The following MGA variants were observed in gnomAD, a reference collection of about 807,000 sequenced individuals.
MGA encodes the protein MAX dimerization protein MGA.
In MGA, 40 loss-of-function variants were observed where a neutral mutation model predicts 261.1. The ratio of observed to expected loss-of-function variants is 0.15; its 90% CI spans 0.12 to 0.20. MGA has a LOEUF of 0.20. Ranked by LOEUF, MGA falls within the 10% of genes least tolerant of loss-of-function variation. The pLI is 1.00. For synonymous variants in MGA, 1,302 were observed against 1,290.6 expected (o/e 1.01, Z -0.19); for missense variants, 3,397 against 3,630.5 (o/e 0.94, Z 1.65).
intron 5 of MGA, among the ~76,000 whole-genome samples, chr15:41,703,501 T>G (rs1248254608): frequency 6.6e-6 from 1 of 151,344 alleles, no homozygotes; most frequent in African/African-American, 2.4e-5. Context: ...TCTATATAAG[T>G]TATTTGTAGT....
At chr15:41,734,494 A>G (rs1294911170) in intron 11 of MGA, 28 bp from the exon 12 acceptor site, 2 of 1,557,458 alleles carry the variant, frequency 1.3e-6, no homozygotes, top group Non-Finnish European at 1.8e-6. Context: ...GTTAAGTTAA[A>G]GTATTTCTGT....
chr15:41,722,087 T>C (rs1381572513), intron 9 of MGA, among the ~76,000 whole-genome samples: 2 of 151,996 alleles, frequency 1.3e-5, no homozygotes, highest in African/African-American at 4.8e-5. Context: ...GAATGTATCT[T>C]TGATTCCATT....
At chr15:41,759,018 A>C (rs1236181061) in intron 19 of MGA, among the ~76,000 whole-genome samples, 1 of 152,218 alleles carries the variant, frequency 6.6e-6, no homozygotes, top group South Asian at 2.1e-4. Flanking sequence ...TGAGAATACA[A>C]ATGACAAATT....
At chr15:41,685,348 C>G (rs1046610443) in intron 2 of MGA, among the ~76,000 whole-genome samples, 3 of 152,130 alleles carry the variant, frequency 2.0e-5, no homozygotes, top group Non-Finnish European at 4.4e-5. Context: ...TTGGGCAATA[C>G]CGTGCTGTCT....
chr15:41,765,042 G>T lies in MGA; in HGVS notation c.7901G>T (p.Gly2634Val). Residue 2634 changes from glycine to valine, a missense_variant, in exon 23 of 24, where the codon GGT becomes GTT. Physicochemically the swap from Gly to Val is moderately radical, Grantham distance 109. This residue lies in a region of MGA where 647 missense variants were observed against 642.4 expected (regional missense o/e 1.01). Transcript: ENST00000219905. ...TCTGATCTTAAGCCTCAAGTTGCCG[G>T]TAGTGCTGTGGCTCTACCAGGTATG... 1.2e-6 allele frequency: 2 copies of T among 1,614,022 alleles called. No homozygotes were observed. Among genetic ancestry groups the T allele is most frequent in the Non-Finnish European group, 1.7e-6 (2 of 1,179,894 alleles).
At chr15:41,747,567 A>C (rs1271570080) in intron 15 of MGA, among the ~76,000 whole-genome samples, 1 of 141,744 alleles carries the variant, frequency 7.1e-6, no homozygotes, top group Non-Finnish European at 1.6e-5. Flanking sequence ...CCATCTCCAC[A>C]AAAAAAAAAA....
chr15:41,745,383 A>C (rs187492921), intron 15 of MGA, among the ~76,000 whole-genome samples: 1 of 151,112 alleles, frequency 6.6e-6, no homozygotes, highest in African/African-American at 2.4e-5. Context: ...ACTGGAAACT[A>C]TAATAATTAA....
intron 1 of MGA, among the ~76,000 whole-genome samples, chr15:41,625,870 A>G (rs1439877575): frequency 6.6e-6 from 1 of 152,228 alleles, no homozygotes; most frequent in Non-Finnish European, 1.5e-5. Context: ...ACATTTTTGT[A>G]GAAATATACC....
intron 13 of MGA, among the ~76,000 whole-genome samples, chr15:41,737,662 G>A (rs565155893): frequency 6.6e-6 from 1 of 152,086 alleles, no homozygotes; most frequent in African/African-American, 2.4e-5. Flanking sequence ...GAAAAGAGAC[G>A]TTCTGAATTA....
chr15:41,756,054 A>G (rs1567094924), intron 18 of MGA, among the ~76,000 whole-genome samples: 1 of 152,220 alleles, frequency 6.6e-6, no homozygotes, highest in African/African-American at 2.4e-5. Context: ...ATTTGTTTAA[A>G]TTAATTGTTT....
Position 41,749,009 on chromosome 15 carries a change from T to G in MGA, c.5503+82T>G. The G allele has an allele frequency of 1.9e-6, 3 of 1,548,982 alleles. No homozygotes were observed. The East Asian group carries it at 6.7e-5, about 35-fold the overall frequency. On this transcript the variant is annotated intron_variant, in intron 16 of 23. Transcript: ENST00000219905. Reference sequence around the variant, plus strand: ...TGTTAATACACCAAGATTGTTTTTCTTCATCTCTTAAGAGTTACTTTTCCA... The same window carrying G: ...TGTTAATACACCAAGATTGTTTTTCGTCATCTCTTAAGAGTTACTTTTCCA...
intron 14 of MGA, among the ~76,000 whole-genome samples, chr15:41,740,724 A>G (rs2062043289): frequency 6.6e-6 from 1 of 152,216 alleles, no homozygotes; most frequent in East Asian, 1.9e-4. Flanking sequence ...TATGAAACCA[A>G]GGAGCTAGCA....
chr15:41,653,010 C>T (rs564743749), intron 1 of MGA, among the ~76,000 whole-genome samples: 19 of 152,200 alleles, frequency 1.2e-4, no homozygotes, highest in East Asian at 9.6e-4. Context: ...TAATTTGCAC[C>T]GCATTCAAGT....
At chr15:41,631,358 C>T (rs896129955) in intron 1 of MGA, among the ~76,000 whole-genome samples, 3 of 152,032 alleles carry the variant, frequency 2.0e-5, no homozygotes, top group African/African-American at 7.2e-5. Context: ...AATGTTGCAT[C>T]CAAGCATTTT....
At position 41,663,429 on chromosome 15, in the gene MGA, TAGA is replaced by T. The variant is rs1038282295; in HGVS notation, c.-68+2908_-68+2910del. On this transcript the variant is annotated intron_variant, in intron 1 of 23. Coordinates refer to ENST00000219905, the MANE Select transcript of MGA (RefSeq NM_001164273.2). ...TCCCAGAGTATTTTTAGGATGTTGC[TAGA>T]AGATTTATTTCTTCATGAGTAGCCT... Among the ~76,000 whole-genome samples the T allele has an allele frequency of 7.9e-5, 12 of 152,176 alleles. No individual in the cohort carries two copies. In the East Asian group the frequency reaches 1.2e-3, roughly 15 times the overall value.
At chr15:41,704,521 G>A (rs1350783571) in intron 5 of MGA, among the ~76,000 whole-genome samples, 1 of 152,204 alleles carries the variant, frequency 6.6e-6, no homozygotes, top group Non-Finnish European at 1.5e-5. Context: ...AGCCAAGAGT[G>A]GTGGTGGGCA....
chr15:41,760,617 G>T, intron 20 of MGA, 88 bp downstream of exon 20: 1 of 1,339,718 alleles, frequency 7.5e-7, no homozygotes, highest in South Asian at 1.3e-5. Context: ...ACATATAAGG[G>T]AGATTGAAAT....
intron 18 of MGA, 124 bp downstream of exon 18, chr15:41,754,691 A>T (rs1406853888): frequency 6.2e-6 from 7 of 1,126,346 alleles, no homozygotes; most frequent in Admixed American, 3.4e-5. Context: ...TTTTTTTCTG[A>T]TTAGTATAGA....
intron 10 of MGA, 48 bp downstream of exon 10, chr15:41,727,454 T>TA: frequency 6.5e-7 from 1 of 1,540,542 alleles, no homozygotes; most frequent in East Asian, 2.3e-5. Flanking sequence ...AAGTCATGTG[T>TA]AAAGATGGTG....
Sources: gnomAD v4.1 joint callset for allele counts (sites outside exome capture counted in the v4.1 genomes callset) on GRCh38, gnomAD v4.1.1 for gene constraint, gnomAD v4.1.1 regional missense constraint, MANE v1.5 for transcripts, NCBI Gene and HGNC (gene_info 2026-07-23, HGNC 2026-07-21) for gene names.